HTR1F: variants seen among roughly 807,000 people sequenced by gnomAD.
HTR1F encodes the protein 5-hydroxytryptamine receptor 1F.
In HTR1F, 17 loss-of-function variants were observed where a neutral mutation model predicts 24.0. The ratio of observed to expected loss-of-function variants is 0.71; its 90% CI spans 0.48 to 1.06. The LOEUF (loss-of-function observed/expected upper bound fraction) is 1.06, where lower values mean the gene tolerates loss of function less well. Ranked by LOEUF, HTR1F falls within the 50% of genes least tolerant of loss-of-function variation. The pLI is 0.00. For synonymous variants in HTR1F, 186 were observed against 156.8 expected (o/e 1.19, Z -1.39); for missense variants, 391 against 427.8 (o/e 0.91, Z 0.76).
chr3:87,985,018 A>G lies in HTR1F; in HGVS notation c.-42-5690A>G, dbSNP rs1346704587. On this transcript the variant is annotated intron_variant, in intron 2 of 2. Coordinates refer to ENST00000319595, the MANE Select transcript of HTR1F (RefSeq NM_001322209.2). The stretch of plus-strand genomic sequence containing the variant: ...TTGAACACCCTTCTCATTTTGTAAC[A>G]TAATCTTTATTTTATAGAAAAAGTA... Among the ~76,000 whole-genome samples, 6 of 152,308 alleles carry G rather than the reference A, an allele frequency of 3.9e-5. No homozygotes were observed. In the East Asian group the frequency reaches 7.7e-4, roughly 20 times the overall value.
chr3:87,937,261 C>T (rs1471552271), intron 2 of HTR1F, among the ~76,000 whole-genome samples: 3 of 151,820 alleles, frequency 2.0e-5, no homozygotes, highest in Admixed American at 1.3e-4. Context: ...TCCAGCAACA[C>T]ATTAAACACC....
intron 2 of HTR1F, among the ~76,000 whole-genome samples, chr3:87,904,620 A>G (rs2163420): frequency 0.18 from 27,206 of 152,044 alleles, 2,656 homozygotes; most frequent in African/African-American, 0.27. Flanking sequence ...ATGAATAAAT[A>G]AACTGTGGTA....
rs1403007569 is a variant in HTR1F, at chr3:87,946,633, T to A, written c.-42-44075T>A. ...TGTGTATATATATATATATATTTTT[T>A]TTTTTTTTTAAACAGTCTCACTCTG... On this transcript the variant is annotated intron_variant, in intron 2 of 2. Transcript: ENST00000319595. Among the ~76,000 whole-genome samples, 145 of 139,896 alleles carry A rather than the reference T, an allele frequency of 1.0e-3. 1 individual carries two copies. The highest frequency in any genetic ancestry group is 3.8e-3 in the African/African-American group (143 of 37,400). The allele number at this position is 139,896 out of a possible 152,430, so 91.8% of individuals were successfully genotyped here. A position where few individuals can be genotyped will look rare whatever the true frequency, so the allele number is the denominator to read the frequency against.
intron 2 of HTR1F, among the ~76,000 whole-genome samples, chr3:87,914,797 G>A (rs564017720): frequency 6.6e-6 from 1 of 152,024 alleles, no homozygotes; most frequent in Non-Finnish European, 1.5e-5. Flanking sequence ...ACTCTTGGGA[G>A]TTCTAGGGCC....
At chr3:87,959,448 T>A (rs1372748921) in intron 2 of HTR1F, among the ~76,000 whole-genome samples, 1 of 151,938 alleles carries the variant, frequency 6.6e-6, no homozygotes, top group Non-Finnish European at 1.5e-5. Context: ...ACTTTAATAT[T>A]TTAATGTATT....
intron 1 of HTR1F, among the ~76,000 whole-genome samples, chr3:87,798,285 G>T (rs1357140521): frequency 6.6e-6 from 1 of 151,968 alleles, no homozygotes; most frequent in East Asian, 1.9e-4. Context: ...TCCAACTCCT[G>T]TATGTCTATC....
intron 2 of HTR1F, among the ~76,000 whole-genome samples, chr3:87,892,167 T>C (rs1427588547): frequency 1.3e-5 from 2 of 152,230 alleles, no homozygotes; most frequent in East Asian, 3.9e-4. Flanking sequence ...ATCACTGGTG[T>C]AATTTTATTT....
In HTR1F at chr3:87,991,516, C is replaced by T; in HGVS notation, c.767C>T (p.Thr256Ile). Residue 256 changes from threonine to isoleucine, a missense_variant, in exon 3 of 3, where the codon ACA (threonine) becomes ATA (isoleucine). Coordinates refer to ENST00000319595, the MANE Select transcript of HTR1F (RefSeq NM_001322209.2). ...GAAAAGTCTTTATCTGACCCATCAA[C>T]AGACTTTGATAAAATTCATAGCACA... ...VLEKSLSDPS[T>I]DFDKIHSTVR... 6.2e-7 allele frequency: 1 copy of T among 1,613,370 alleles called. No individual in the cohort carries two copies. Among genetic ancestry groups the T allele is most frequent in the Non-Finnish European group, 8.5e-7 (1 of 1,179,306 alleles).
chr3:87,977,460 T>G (rs754359807), intron 2 of HTR1F, among the ~76,000 whole-genome samples: 35 of 149,874 alleles, frequency 2.3e-4, no homozygotes, highest in Non-Finnish European at 3.3e-4. Flanking sequence ...GTGCAGTGGC[T>G]TGATCTCAGC....
intron 1 of HTR1F, among the ~76,000 whole-genome samples, chr3:87,819,691 G>T (rs191188757): frequency 6.6e-6 from 1 of 151,950 alleles, no homozygotes; most frequent in East Asian, 1.9e-4. Flanking sequence ...CTTTATAACT[G>T]ACCAGTATCT....
intron 1 of HTR1F, among the ~76,000 whole-genome samples, chr3:87,810,135 C>T (rs1278193982): frequency 6.6e-6 from 1 of 151,826 alleles, no homozygotes; most frequent in Non-Finnish European, 1.5e-5. Context: ...TTTATTTCTT[C>T]TTTTGGAGAA....
intron 2 of HTR1F, among the ~76,000 whole-genome samples, chr3:87,950,207 C>G (rs1297291154): frequency 3.9e-5 from 6 of 152,134 alleles, no homozygotes; most frequent in Non-Finnish European, 8.8e-5. Flanking sequence ...CCCACATGAC[C>G]CAAACACATC....
intron 2 of HTR1F, among the ~76,000 whole-genome samples, chr3:87,839,415 G>T: frequency 6.6e-6 from 1 of 152,002 alleles, no homozygotes; most frequent in Non-Finnish European, 1.5e-5. Context: ...ATTGTTCTGT[G>T]TGTCTGTTTT....
chr3:87,836,212 C>A (rs1294287036), intron 2 of HTR1F, among the ~76,000 whole-genome samples: 1 of 152,158 alleles, frequency 6.6e-6, no homozygotes, highest in Non-Finnish European at 1.5e-5. Context: ...AAAGACAATA[C>A]TTCTATTCTG....
At chr3:87,846,711 GT>G (rs1273744678) in intron 2 of HTR1F, among the ~76,000 whole-genome samples, 1 of 151,850 alleles carries the variant, frequency 6.6e-6, no homozygotes, top group Non-Finnish European at 1.5e-5. Flanking sequence ...AATATAATAA[GT>G]TGCTTCTGTT....
intron 2 of HTR1F, among the ~76,000 whole-genome samples, chr3:87,882,568 G>A (rs111244651): frequency 0.25 from 38,059 of 151,834 alleles, 7,592 homozygotes; most frequent in African/African-American, 0.56. Flanking sequence ...GGACATGGAT[G>A]AAATTGGAAA....
intron 2 of HTR1F, among the ~76,000 whole-genome samples, chr3:87,892,016 T>G (rs1426117095): frequency 9.2e-5 from 14 of 152,158 alleles, no homozygotes; most frequent in Admixed American, 9.2e-4. Context: ...TCTTCTTCCC[T>G]GGATCTTGCA....
At chr3:87,893,598 A>G (rs1454590580) in intron 2 of HTR1F, among the ~76,000 whole-genome samples, 1 of 152,196 alleles carries the variant, frequency 6.6e-6, no homozygotes, top group African/African-American at 2.4e-5. Flanking sequence ...CTGACCACGA[A>G]GAAGAAGTGT....
chr3:87,857,142 G>A (rs955379991), intron 2 of HTR1F, among the ~76,000 whole-genome samples: 13 of 152,020 alleles, frequency 8.6e-5, no homozygotes, highest in Admixed American at 7.9e-4. Context: ...AGCACAATGA[G>A]TATCAGGTGG....
Sources: allele counts gnomAD v4.1 joint callset (sites outside exome capture counted in the v4.1 genomes callset), GRCh38; gene constraint gnomAD v4.1.1; transcripts MANE v1.5; gene names NCBI Gene and HGNC (gene_info 2026-07-23, HGNC 2026-07-21).